NR6A1: variants seen among roughly 807,000 people sequenced by gnomAD.
NR6A1 encodes nuclear receptor subfamily 6 group A member 1.
NR6A1 carries 7 observed loss-of-function variants against 59.1 expected under a neutral mutation model. The observed-to-expected ratio is 0.12, with a 90% CI of 0.07 to 0.22. The LOEUF (loss-of-function observed/expected upper bound fraction) is 0.22. Ranked by LOEUF, NR6A1 falls within the 10% of genes least tolerant of loss-of-function variation. The pLI is 1.00. For synonymous variants in NR6A1, 243 were observed against 236.1 expected (o/e 1.03, Z -0.27); for missense variants, 468 against 611.6 (o/e 0.77, Z 2.48).
At chr9:124,708,685 A>C (rs1350257869) in intron 2 of NR6A1, among the ~76,000 whole-genome samples, 2 of 152,220 alleles carry the variant, frequency 1.3e-5, no homozygotes, top group Non-Finnish European at 2.9e-5. Context: ...TAACTACTGG[A>C]GTCTTTAGTG....
At chr9:124,640,627 T>C (rs1836743663) in intron 2 of NR6A1, among the ~76,000 whole-genome samples, 1 of 152,084 alleles carries the variant, frequency 6.6e-6, no homozygotes. Flanking sequence ...CTTGAATTAC[T>C]GGCCTCAAGC....
chr9:124,601,943 G>A (rs1285392870), intron 2 of NR6A1, among the ~76,000 whole-genome samples: 1 of 152,084 alleles, frequency 6.6e-6, no homozygotes, highest in African/African-American at 2.4e-5. Context: ...GCAAGACCCT[G>A]TCTCAAAAAA....
At chr9:124,734,468 T>A (rs1202541442) in intron 1 of NR6A1, among the ~76,000 whole-genome samples, 1 of 152,156 alleles carries the variant, frequency 6.6e-6, no homozygotes, top group African/African-American at 2.4e-5. Context: ...CAAAACGAGC[T>A]GATCACTTGA....
chr9:124,572,098 G>A (rs1834454748), intron 2 of NR6A1, among the ~76,000 whole-genome samples: 1 of 152,206 alleles, frequency 6.6e-6, no homozygotes, highest in Non-Finnish European at 1.5e-5. Flanking sequence ...GCAGTCAACA[G>A]TATGGAGAAA....
chr9:124,744,776 T>C (rs1340378148), intron 1 of NR6A1, among the ~76,000 whole-genome samples: 1 of 152,204 alleles, frequency 6.6e-6, no homozygotes, highest in African/African-American at 2.4e-5. Context: ...AGGAGTTTGT[T>C]TGAACATGGT....
At position 124,518,190 on chromosome 9, in the gene NR6A1, G is replaced by C. The variant is rs547315269; in HGVS notation, c.*4515C>G. ...TCCTGTGCAGGCTGTGGTCCATTTA[G>C]GGCTTCAGGCCCAGAAGACGGATGC... On this transcript the variant is annotated 3_prime_UTR_variant, in exon 10 of 10. Coordinates refer to ENST00000487099, the MANE Select transcript of NR6A1 (RefSeq NM_033334.4). 5 of 147,552 alleles carry C rather than the reference G, an allele frequency of 3.4e-5. No individual in the cohort carries two copies. The highest frequency in any genetic ancestry group is 7.4e-5 in the Non-Finnish European group (5 of 67,170). The allele number at this position is 147,552 out of a possible 1,614,324, so 9.1% of individuals were successfully genotyped here.
chr9:124,536,206 T>G, intron 6 of NR6A1, 74 bp from the exon 7 acceptor site: 3 of 1,525,430 alleles, frequency 2.0e-6, no homozygotes, highest in Non-Finnish European at 2.7e-6. Context: ...GAGAAGGTAG[T>G]CCCAAGGGCA....
chr9:124,535,572 T>C (rs1490442847), intron 7 of NR6A1, among the ~76,000 whole-genome samples: 1 of 152,140 alleles, frequency 6.6e-6, no homozygotes, highest in African/African-American at 2.4e-5. Flanking sequence ...AATGAGACTC[T>C]GTCTCAAAAA....
At chr9:124,750,260 A>T in intron 1 of NR6A1, among the ~76,000 whole-genome samples, 1 of 152,190 alleles carries the variant, frequency 6.6e-6, no homozygotes, top group Non-Finnish European at 1.5e-5. Context: ...GGCATTAAGG[A>T]TCAAAAGTCT....
chr9:124,526,120 T>C (rs1009273532), intron 8 of NR6A1, among the ~76,000 whole-genome samples: 2 of 152,192 alleles, frequency 1.3e-5, no homozygotes, highest in African/African-American at 2.4e-5. Flanking sequence ...AGTGCCACTA[T>C]AGGAGCAGAG....
At chr9:124,658,124 A>G (rs1318629505) in intron 2 of NR6A1, among the ~76,000 whole-genome samples, 1 of 152,166 alleles carries the variant, frequency 6.6e-6, no homozygotes. Flanking sequence ...TTTCAGAAAG[A>G]CTAGTATTTC....
At chr9:124,581,136 A>G (rs1834752320) in intron 2 of NR6A1, among the ~76,000 whole-genome samples, 1 of 152,208 alleles carries the variant, frequency 6.6e-6, no homozygotes, top group African/African-American at 2.4e-5. Context: ...ACTTAAATGT[A>G]AAACCCAAAA....
intron 2 of NR6A1, among the ~76,000 whole-genome samples, chr9:124,711,434 A>T (rs916556644): frequency 5.0e-5 from 7 of 139,660 alleles, no homozygotes; most frequent in African/African-American, 7.9e-5. Context: ...ATTTCCATTT[A>T]AAAAAAAAAA....
At chr9:124,581,787 A>G (rs1487574966) in intron 2 of NR6A1, among the ~76,000 whole-genome samples, 1 of 152,196 alleles carries the variant, frequency 6.6e-6, no homozygotes, top group African/African-American at 2.4e-5. Context: ...ACGCTTCTCA[A>G]AAGAAGACAT....
Position 124,538,112 on chromosome 9 carries a change from C to G in NR6A1, c.804G>C (p.Thr268=), listed in dbSNP as rs1166366273. The G allele has an allele frequency of 1.2e-6, 2 of 1,610,870 alleles. No homozygotes were observed. The highest frequency in any genetic ancestry group is 1.7e-6 in the Non-Finnish European group (2 of 1,178,274). ...LSAEDLEPLG[T]PMLIEDGYAV... ...CTCACCCATCTTCAATCAACATGGG[C>G]GTGCCCAATGGTTCCAGGTCCTCGG... The change falls in exon 6 of 10, where the codon ACG becomes ACC. Residue 268 remains threonine (T), a synonymous_variant. Transcript: ENST00000487099.
chr9:124,732,781 C>T (rs549060615), intron 2 of NR6A1, among the ~76,000 whole-genome samples: 1 of 151,740 alleles, frequency 6.6e-6, no homozygotes, highest in East Asian at 1.9e-4. Flanking sequence ...ACTGCAACCT[C>T]TACTTCCCGG....
intron 2 of NR6A1, among the ~76,000 whole-genome samples, chr9:124,575,805 A>G (rs1834573637): frequency 6.6e-6 from 1 of 152,190 alleles, no homozygotes; most frequent in African/African-American, 2.4e-5. Context: ...CTTGGAATAT[A>G]GTAAATGCTC....
chr9:124,741,089 C>G (rs1334430276), intron 1 of NR6A1, among the ~76,000 whole-genome samples: 7 of 152,176 alleles, frequency 4.6e-5, no homozygotes, highest in Admixed American at 2.6e-4. Context: ...TGTCATATAT[C>G]TACACTGTCC....
At chr9:124,535,684 C>T (rs776974163) in intron 7 of NR6A1, among the ~76,000 whole-genome samples, 194 bp downstream of exon 7, 33 of 152,216 alleles carry the variant, frequency 2.2e-4, no homozygotes, top group Non-Finnish European at 3.8e-4. Context: ...GTGTTATCAC[C>T]CCATTTTACC....
Sources: allele counts gnomAD v4.1 joint callset (sites outside exome capture counted in the v4.1 genomes callset), GRCh38; gene constraint gnomAD v4.1.1; transcripts MANE v1.5; gene names NCBI Gene and HGNC (gene_info 2026-07-23, HGNC 2026-07-21).